Variants in ANXA4 observed in about 807,000 individuals in gnomAD.
ANXA4 encodes the protein 35-beta calcimedin.
Under a neutral mutation model 49.8 loss-of-function variants are expected in ANXA4, and 39 were observed. That is an observed-to-expected ratio of 0.78 (90% CI 0.61 to 1.02). The LOEUF is 1.02. ANXA4 is among the 50% of genes least tolerant of loss of function. The probability of loss-of-function intolerance (pLI) is 0.00; values close to 1 mark genes in which losing one functional copy is unlikely to be tolerated. For synonymous variants in ANXA4, 134 were observed against 152.5 expected (o/e 0.88, Z 0.89); for missense variants, 360 against 410.1 (o/e 0.88, Z 1.05).
At chr2:69,653,603 C>T (rs528467604) in intron 2 of ANXA4, among the ~76,000 whole-genome samples, 1 of 152,252 alleles carries the variant, frequency 6.6e-6, no homozygotes, top group East Asian at 1.9e-4. Context: ...CCCCTTGTGA[C>T]ACCATTTCCT....
chr2:69,740,594 A>G (rs4852982), upstream of ANXA4, among the ~76,000 whole-genome samples: 33,975 of 150,836 alleles, frequency 0.23, 4,208 homozygotes, highest in South Asian at 0.31. Flanking sequence ...AGCTGGGACT[A>G]CAGGCGTGGC....
At chr2:69,795,225 G>C (rs890468914) in intron 3 of ANXA4, among the ~76,000 whole-genome samples, 4 of 152,230 alleles carry the variant, frequency 2.6e-5, no homozygotes, top group Non-Finnish European at 4.4e-5. Flanking sequence ...TTGTCCAAAT[G>C]AGTGAGGGCT....
At chr2:69,661,268 C>T (rs561413960) in intron 2 of ANXA4, among the ~76,000 whole-genome samples, 1 of 150,072 alleles carries the variant, frequency 6.7e-6, no homozygotes, top group East Asian at 1.9e-4. Flanking sequence ...TAGACCTTTC[C>T]TAAAGGAGCT....
chr2:69,765,474 C>T (rs146031235), intron 1 of ANXA4, among the ~76,000 whole-genome samples: 144 of 152,118 alleles, frequency 9.5e-4, no homozygotes, highest in African/African-American at 3.1e-3. Context: ...TGTATATATC[C>T]GGGTACACTA....
chr2:69,676,766 G>A (rs1350374210), intron 2 of ANXA4, among the ~76,000 whole-genome samples: 1 of 152,092 alleles, frequency 6.6e-6, no homozygotes, highest in Non-Finnish European at 1.5e-5. Context: ...GGTGGCGCAT[G>A]CCTGTAGTCC....
chr2:69,808,032 C>T (rs367906194), intron 6 of ANXA4, 36 bp downstream of exon 6: 90 of 1,591,144 alleles, frequency 5.7e-5, no homozygotes, highest in Non-Finnish European at 7.3e-5. Context: ...GCTGAGGTTT[C>T]GCTGTGATTA....
chr2:69,763,351 A>G (rs1671372440), intron 1 of ANXA4, among the ~76,000 whole-genome samples: 1 of 152,194 alleles, frequency 6.6e-6, no homozygotes, highest in African/African-American at 2.4e-5. Context: ...AGGTGGAGCC[A>G]GTTGAAATCT....
chr2:69,707,955 C>T (rs2105401028), intron 2 of ANXA4, among the ~76,000 whole-genome samples: 1 of 152,316 alleles, frequency 6.6e-6, no homozygotes, highest in East Asian at 1.9e-4. Flanking sequence ...AACGAAGTTA[C>T]ACAATATTTA....
upstream of ANXA4, among the ~76,000 whole-genome samples, chr2:69,741,214 T>A (rs377323220): frequency 4.6e-5 from 7 of 152,362 alleles, no homozygotes; most frequent in South Asian, 1.4e-3. Flanking sequence ...GGCTATTCTC[T>A]GTTTTTTAAA....
At chr2:69,655,376 C>T (rs1444330232) in intron 2 of ANXA4, among the ~76,000 whole-genome samples, 8 of 152,060 alleles carry the variant, frequency 5.3e-5, no homozygotes, top group African/African-American at 1.4e-4. Flanking sequence ...AGGATATGAA[C>T]AGATACTTCT....
At chr2:69,656,991 T>C (rs1444120697) in intron 2 of ANXA4, among the ~76,000 whole-genome samples, 1 of 151,650 alleles carries the variant, frequency 6.6e-6, no homozygotes, top group Admixed American at 6.6e-5. Context: ...ATATAATCAC[T>C]ATATTCATTT....
intron 1 of ANXA4, among the ~76,000 whole-genome samples, chr2:69,751,933 C>T (rs1222654311): frequency 6.6e-6 from 1 of 152,058 alleles, no homozygotes; most frequent in East Asian, 1.9e-4. Flanking sequence ...CACACTGACT[C>T]AGGGAGATAA....
intron 1 of ANXA4, among the ~76,000 whole-genome samples, chr2:69,757,252 A>T: frequency 2.4e-5 from 1 of 42,384 alleles, no homozygotes; most frequent in Non-Finnish European, 3.7e-5. Flanking sequence ...ATATATATAT[A>T]TATATATATA....
intron 2 of ANXA4, among the ~76,000 whole-genome samples, chr2:69,710,385 T>C (rs1449031144): frequency 6.6e-6 from 1 of 152,248 alleles, no homozygotes; most frequent in African/African-American, 2.4e-5. Context: ...AAATTTTTTA[T>C]ATCATTAAAT....
At chr2:69,733,159 G>A (rs1385038429) in intron 3 of ANXA4, among the ~76,000 whole-genome samples, 2 of 152,080 alleles carry the variant, frequency 1.3e-5, no homozygotes, top group South Asian at 2.1e-4. Flanking sequence ...GGGATATTGA[G>A]GCAAAATGTT....
chr2:69,757,958 C>CAAA (rs11296004), intron 1 of ANXA4, among the ~76,000 whole-genome samples: 1 of 95,134 alleles, frequency 1.1e-5, no homozygotes, highest in African/African-American at 4.2e-5. Flanking sequence ...GACTTTGTCT[C>CAAA]AAAAAAAAAA....
intron 1 of ANXA4, among the ~76,000 whole-genome samples, chr2:69,766,050 A>G (rs1199846315): frequency 2.0e-5 from 3 of 152,252 alleles, no homozygotes; most frequent in Non-Finnish European, 4.4e-5. Context: ...ATGCTGCCTT[A>G]GAATTCATAC....
intron 11 of ANXA4, among the ~76,000 whole-genome samples, chr2:69,820,249 T>TTC (rs1674174232): frequency 6.7e-6 from 1 of 148,464 alleles, no homozygotes; most frequent in South Asian, 2.1e-4. Context: ...TTTTTTTTTT[T>TTC]CAATATTTGT....
chr2:69,821,786 T>G (rs1016196686), intron 12 of ANXA4, among the ~76,000 whole-genome samples: 1 of 152,172 alleles, frequency 6.6e-6, no homozygotes, highest in African/African-American at 2.4e-5. Flanking sequence ...CTACAAGGCA[T>G]GCAGGAACTT....
Sources: gnomAD v4.1 joint callset for allele counts (sites outside exome capture counted in the v4.1 genomes callset) on GRCh38, gnomAD v4.1.1 for gene constraint, MANE v1.5 for transcripts, NCBI Gene and HGNC (gene_info 2026-07-23, HGNC 2026-07-21) for gene names.